MRPS6: variants seen among roughly 807,000 people sequenced by gnomAD.
MRPS6 encodes mitochondrial ribosomal protein S6.
Under a neutral mutation model 13.1 loss-of-function variants are expected in MRPS6, and 6 were observed. The ratio of observed to expected loss-of-function variants is 0.46; its 90% confidence interval spans 0.25 to 0.91. The LOEUF is 0.91. Among genes scored for constraint, MRPS6 ranks in the 40% least tolerant of loss-of-function variants. MRPS6 has a pLI of 0.18. For synonymous variants in MRPS6, 61 were observed against 56.5 expected, an observed-to-expected ratio of 1.08 and a Z score of -0.36; for missense variants, 164 against 155.6, an observed-to-expected ratio of 1.05 and a Z score of -0.29.
intron 1 of MRPS6, chr21:34,103,828 A>G: frequency 1.0e-6 from 1 of 1,000,194 alleles, no homozygotes; most frequent in African/African-American, 1.7e-5. Context: ...AAGAATGCCA[A>G]AATTATATTT....
Position 34,100,556 on chromosome 21 carries a change from T to C in MRPS6, c.46-24785T>C, listed in dbSNP as rs16991200. The C allele has an allele frequency of 5.5e-3, 5,469 of 1,000,246 alleles. 107 individuals carry two copies. In the South Asian group the frequency reaches 0.078, roughly 14 times the overall value. 62.0% of individuals were successfully genotyped at this position (1,000,246 alleles called of 1,614,324 possible). ...CTTGGCTCAAAGGATCCATTGTATT[T>C]TGGCACAAAGAGCCTGGCCAGGGTC... On this transcript the variant is annotated intron_variant, in intron 1 of 2. Coordinates refer to ENST00000399312, the MANE Select transcript of MRPS6 (RefSeq NM_032476.4).
At chr21:34,114,845 G>T (rs1202916633) in intron 1 of MRPS6, among the ~76,000 whole-genome samples, 1 of 152,180 alleles carries the variant, frequency 6.6e-6, no homozygotes, top group African/African-American at 2.4e-5. Flanking sequence ...CAACTAGTAA[G>T]TTCACACAAG....
At chr21:34,094,633 A>T (rs2105486) in intron 1 of MRPS6, among the ~76,000 whole-genome samples, 152,367 of 152,368 alleles carry the variant, frequency 1, 76,183 homozygotes, top group Middle Eastern at 1. Context: ...GTTATGAGGT[A>T]GATGAATTTC....
intron 2 of MRPS6, among the ~76,000 whole-genome samples, chr21:34,138,315 A>G (rs1458964552): frequency 2.0e-5 from 3 of 151,774 alleles, no homozygotes; most frequent in Non-Finnish European, 2.9e-5. Context: ...GGTGTTTTAG[A>G]TGTGAAGTCC....
rs1226393303 is a variant in MRPS6 at position 34,106,185 on chromosome 21, T to C, written c.46-19156T>C. ...CATTCCTTTCTGTGGTATTTTGTCCTGTAACTGAAGTATAGTAATTATTTT... is the reference window on the plus strand; with the variant it reads ...CATTCCTTTCTGTGGTATTTTGTCCCGTAACTGAAGTATAGTAATTATTTT... On this transcript the variant is annotated intron_variant, in intron 1 of 2. Coordinates refer to ENST00000399312, the MANE Select transcript of MRPS6 (RefSeq NM_032476.4). 4 of 983,024 alleles carry C rather than the reference T, an allele frequency of 4.1e-6. No homozygotes were observed. The East Asian group carries it at 3.4e-4, about 84-fold the overall frequency. The allele number at this position is 983,024 out of a possible 1,614,324, so 60.9% of individuals were successfully genotyped here. A position where few individuals can be genotyped will look rare whatever the true frequency, so the allele number is the denominator to read the frequency against.
At chr21:34,073,773 T>G in intron 1 of MRPS6, 28 bp downstream of exon 1, 4 of 1,458,946 alleles carry the variant, frequency 2.7e-6, no homozygotes, top group South Asian at 1.2e-5. Context: ...AGAGCCGGTC[T>G]TCCCGCGCGG....
chr21:34,102,021 T>C (rs1979260210), intron 1 of MRPS6: 7 of 1,000,060 alleles, frequency 7.0e-6, no homozygotes, highest in Non-Finnish European at 3.6e-6. Context: ...AGGAACCCTT[T>C]TGTACTGGAA....
chr21:34,098,208 T>TA, intron 1 of MRPS6: 1 of 999,586 alleles, frequency 1.0e-6, no homozygotes, highest in Middle Eastern at 5.2e-4. Flanking sequence ...TTGATTAACT[T>TA]ATGCTAATCA....
intron 1 of MRPS6, among the ~76,000 whole-genome samples, chr21:34,120,673 A>T (rs1412524973): frequency 6.6e-6 from 1 of 152,164 alleles, no homozygotes; most frequent in Non-Finnish European, 1.5e-5. Context: ...AATAATTATA[A>T]TGTAATTTTA....
chr21:34,088,158 A>G (rs911375211), intron 1 of MRPS6, among the ~76,000 whole-genome samples: 11 of 152,226 alleles, frequency 7.2e-5, no homozygotes, highest in African/African-American at 2.7e-4. Context: ...CTTTAACTTA[A>G]TGTTTTAAAG....
intron 1 of MRPS6, among the ~76,000 whole-genome samples, chr21:34,084,828 A>G (rs1989535402): frequency 6.6e-6 from 1 of 152,210 alleles, no homozygotes; most frequent in South Asian, 2.1e-4. Flanking sequence ...CTTGGCTAAC[A>G]TGACTAAAAA....
At position 34,099,280 on chromosome 21, in the gene MRPS6, C is replaced by T. The variant is rs9984776; in HGVS notation, c.45+25535C>T. Reference sequence around the variant, plus strand: ...TTTTCTTGTTTGGAAGTTGAGGCTGCGACATGTCCAAGGTTATGAAGTCTC... The same window carrying T: ...TTTTCTTGTTTGGAAGTTGAGGCTGTGACATGTCCAAGGTTATGAAGTCTC... On this transcript the variant is annotated intron_variant, in intron 1 of 2. Coordinates refer to ENST00000399312, the MANE Select transcript of MRPS6 (RefSeq NM_032476.4). The T allele has an allele frequency of 3.3e-5, 33 of 1,000,074 alleles. 1 individual carries two copies. Among genetic ancestry groups the T allele is most frequent in the African/African-American group, 2.1e-4 (12 of 57,316 alleles). The allele number at this position is 1,000,074 out of a possible 1,614,324, so 62.0% of individuals were successfully genotyped here.
At chr21:34,126,135 G>A (rs1317161583) in intron 2 of MRPS6, among the ~76,000 whole-genome samples, 1 of 152,180 alleles carries the variant, frequency 6.6e-6, no homozygotes, top group African/African-American at 2.4e-5. Flanking sequence ...TTTTAGCGCG[G>A]TAGGAAAAGT....
At chr21:34,095,542 A>G (rs754591211) in intron 1 of MRPS6, 1 of 1,613,160 alleles carries the variant, frequency 6.2e-7, no homozygotes, top group Non-Finnish European at 8.5e-7. Flanking sequence ...TACTTGTCCA[A>G]GCGATTTGGT....
chr21:34,085,825 A>AT (rs1365216877), intron 1 of MRPS6, among the ~76,000 whole-genome samples: 1 of 152,102 alleles, frequency 6.6e-6, no homozygotes, highest in Non-Finnish European at 1.5e-5. Context: ...GGTGGTCTTG[A>AT]TGTCCTGACC....
At chr21:34,092,635 T>C (rs1246792482) in intron 1 of MRPS6, among the ~76,000 whole-genome samples, 3 of 152,242 alleles carry the variant, frequency 2.0e-5, no homozygotes, top group Admixed American at 1.3e-4. Flanking sequence ...GATTTGACAA[T>C]GAAGAACAAT....
intron 2 of MRPS6, among the ~76,000 whole-genome samples, chr21:34,140,608 C>A (rs754296744): frequency 1.6e-4 from 25 of 152,154 alleles, no homozygotes; most frequent in Admixed American, 9.8e-4. Flanking sequence ...TTTTCTATAT[C>A]CTTGGTGATT....
Position 34,106,036 on chromosome 21 carries a change from A to G in MRPS6, c.46-19305A>G, listed in dbSNP as rs570652468. 3.3e-5 allele frequency: 33 copies of G among 997,030 alleles called. 1 individual carries two copies. The Middle Eastern group carries it at 3.1e-3, about 95-fold the overall frequency. The allele number at this position is 997,030 out of a possible 1,614,324, so 61.8% of individuals were successfully genotyped here. ...AAAGCATATCTGCTAAAGAGCTGTCAGTTTTCATTACTGACTCTGTAAAAT... is the reference window on the plus strand; with the variant it reads ...AAAGCATATCTGCTAAAGAGCTGTCGGTTTTCATTACTGACTCTGTAAAAT... On this transcript the variant is annotated intron_variant, in intron 1 of 2. Coordinates refer to ENST00000399312, the MANE Select transcript of MRPS6 (RefSeq NM_032476.4).
chr21:34,076,422 T>C (rs947386901), intron 1 of MRPS6, among the ~76,000 whole-genome samples: 4 of 152,116 alleles, frequency 2.6e-5, no homozygotes, highest in Non-Finnish European at 4.4e-5. Flanking sequence ...GATTTCAGAG[T>C]GTATTATGTA....
Sources: allele counts gnomAD v4.1 joint callset (sites outside exome capture counted in the v4.1 genomes callset), GRCh38; gene constraint gnomAD v4.1.1; transcripts MANE v1.5; gene names NCBI Gene and HGNC (gene_info 2026-07-23, HGNC 2026-07-21).